Variants in LRP1B observed in about 807,000 individuals in gnomAD.
The protein encoded by LRP1B is low-density lipoprotein receptor-related protein 1B.
LRP1B carries 217 observed loss-of-function variants against 556.6 expected under a neutral mutation model. The ratio of observed to expected loss-of-function variants is 0.39; its 90% CI spans 0.35 to 0.44. The LOEUF (loss-of-function observed/expected upper bound fraction) is 0.44. Ranked by LOEUF, LRP1B falls within the 20% of genes least tolerant of loss-of-function variation. LRP1B has a pLI of 1.00. For synonymous variants in LRP1B, 2,047 were observed against 1,865.8 expected, an observed-to-expected ratio of 1.10 and a Z score of -2.50; for missense variants, 5,053 against 5,620.8, an observed-to-expected ratio of 0.90 and a Z score of 3.23.
chr2:140,273,888 G>T (rs1682566216), intron 85 of LRP1B, among the ~76,000 whole-genome samples: 3 of 151,934 alleles, frequency 2.0e-5, no homozygotes, highest in Admixed American at 2.0e-4. Context: ...CAAACTCGAA[G>T]ATTTTTGTTT....
intron 6 of LRP1B, among the ~76,000 whole-genome samples, chr2:141,223,762 G>A (rs1367101400): frequency 6.6e-6 from 1 of 152,126 alleles, no homozygotes; most frequent in East Asian, 1.9e-4. Context: ...TGACAAACCT[G>A]ACAGAAACAA....
At chr2:140,989,685 T>G in intron 16 of LRP1B, 28 bp from the exon 17 acceptor site, 1 of 1,607,978 alleles carries the variant, frequency 6.2e-7, no homozygotes, top group South Asian at 1.1e-5. Flanking sequence ...GCAAGATTAA[T>G]TATTTAAAAT....
intron 43 of LRP1B, among the ~76,000 whole-genome samples, chr2:140,571,119 C>T (rs1464383181): frequency 6.6e-6 from 1 of 151,782 alleles, no homozygotes; most frequent in Non-Finnish European, 1.5e-5. Context: ...CACTCCCACT[C>T]TCATCACTAT....
At chr2:140,752,142 C>G (rs1015819753) in intron 35 of LRP1B, among the ~76,000 whole-genome samples, 1 of 151,946 alleles carries the variant, frequency 6.6e-6, no homozygotes, top group Non-Finnish European at 1.5e-5. Context: ...TGGTGAAACC[C>G]TGTCTCTACT....
intron 35 of LRP1B, among the ~76,000 whole-genome samples, chr2:140,723,293 A>C (rs1687479652): frequency 1.3e-5 from 2 of 152,194 alleles, no homozygotes. Flanking sequence ...AACTCTGTTA[A>C]AAATAATTAT....
chr2:141,884,470 G>A (rs781032891), intron 1 of LRP1B, among the ~76,000 whole-genome samples: 16 of 152,096 alleles, frequency 1.1e-4, no homozygotes, highest in Non-Finnish European at 2.1e-4. Context: ...GGACATATTA[G>A]GAAGTATTTA....
intron 2 of LRP1B, among the ~76,000 whole-genome samples, chr2:141,639,341 T>TAC (rs1355686131): frequency 2.8e-4 from 16 of 57,662 alleles, no homozygotes; most frequent in East Asian, 6.5e-4. Flanking sequence ...TATATATATA[T>TAC]ATATATATAC....
At chr2:141,021,918 G>A (rs1481689864) in intron 11 of LRP1B, among the ~76,000 whole-genome samples, 1 of 151,732 alleles carries the variant, frequency 6.6e-6, no homozygotes, top group Non-Finnish European at 1.5e-5. Context: ...TAACTTCTCA[G>A]TTCATGTTAG....
At chr2:141,527,168 T>TA (rs2105184840) in intron 2 of LRP1B, among the ~76,000 whole-genome samples, 1 of 152,236 alleles carries the variant, frequency 6.6e-6, no homozygotes, top group Non-Finnish European at 1.5e-5. Flanking sequence ...AGCTCATTGC[T>TA]TTTTTCCAGG....
At chr2:141,155,611 T>C (rs1422142634) in intron 7 of LRP1B, among the ~76,000 whole-genome samples, 3 of 152,042 alleles carry the variant, frequency 2.0e-5, no homozygotes, top group Admixed American at 6.6e-5. Context: ...ATACTTTTGA[T>C]TTTTTATACA....
chr2:140,509,119 T>C (rs1189254255), intron 52 of LRP1B, among the ~76,000 whole-genome samples: 1 of 142,010 alleles, frequency 7.0e-6, no homozygotes, highest in African/African-American at 2.6e-5. Flanking sequence ...CAGACACTTA[T>C]ATTATGGCTT....
intron 62 of LRP1B, among the ~76,000 whole-genome samples, chr2:140,455,579 C>T (rs887309294): frequency 6.6e-6 from 1 of 152,104 alleles, no homozygotes; most frequent in African/African-American, 2.4e-5. Flanking sequence ...CATTCTGGCT[C>T]CCTGAAAAAG....
intron 1 of LRP1B, among the ~76,000 whole-genome samples, chr2:141,970,056 C>A (rs1183565020): frequency 6.6e-6 from 1 of 151,464 alleles, no homozygotes; most frequent in Non-Finnish European, 1.5e-5. Flanking sequence ...TTTCACATAT[C>A]TGTTGACCAT....
chr2:140,766,859 T>TAAAATATATATATATA (rs35881662), intron 35 of LRP1B, among the ~76,000 whole-genome samples: 2 of 50,214 alleles, frequency 4.0e-5, no homozygotes, highest in African/African-American at 9.0e-5. Flanking sequence ...TATATATATA[T>TAAAATATATATATATA]ATATATAATA....
intron 32 of LRP1B, among the ~76,000 whole-genome samples, chr2:140,788,131 ATTAAT>A: frequency 6.6e-6 from 1 of 152,326 alleles, no homozygotes; most frequent in East Asian, 1.9e-4. Context: ...ATTCCACCAT[ATTAAT>A]TTAATATGTA....
At chr2:140,955,726 G>A (rs1695852956) in intron 18 of LRP1B, among the ~76,000 whole-genome samples, 1 of 151,544 alleles carries the variant, frequency 6.6e-6, no homozygotes, top group African/African-American at 2.4e-5. Flanking sequence ...GGCTACAATT[G>A]TCTTTCTCTC....
intron 10 of LRP1B, among the ~76,000 whole-genome samples, chr2:141,050,362 T>C (rs1024769062): frequency 6.6e-6 from 1 of 151,998 alleles, no homozygotes; most frequent in Admixed American, 6.6e-5. Flanking sequence ...AAGTTCTGGG[T>C]ACATATGCAG....
At chr2:141,549,004 T>C (rs1685654941) in intron 2 of LRP1B, among the ~76,000 whole-genome samples, 1 of 152,158 alleles carries the variant, frequency 6.6e-6, no homozygotes, top group Non-Finnish European at 1.5e-5. Flanking sequence ...ACTACAGCAG[T>C]AGACCAGATG....
chr2:140,748,134 T>A (rs1052786807), intron 35 of LRP1B, among the ~76,000 whole-genome samples: 164 of 11,454 alleles, frequency 0.014, 1 homozygote, highest in South Asian at 0.028. Context: ...TATATATATA[T>A]ATAATTCATA....
Sources: gnomAD v4.1 joint callset for allele counts (sites outside exome capture counted in the v4.1 genomes callset) on GRCh38, gnomAD v4.1.1 for gene constraint, MANE v1.5 for transcripts, NCBI Gene and HGNC (gene_info 2026-07-23, HGNC 2026-07-21) for gene names.